Variants in DDX1 observed in about 807,000 individuals in gnomAD.
The protein encoded by DDX1 is ATP-dependent RNA helicase DDX1.
Under a neutral mutation model 108.7 loss-of-function variants are expected in DDX1, and 28 were observed. The observed-to-expected ratio is 0.26, with a 90% CI of 0.19 to 0.35. The LOEUF is 0.35. Ranked by LOEUF, DDX1 falls within the 10% of genes least tolerant of loss-of-function variation. DDX1 has a pLI of 1.00. For missense variants in DDX1, 710 were observed against 884.5 expected (o/e 0.80, Z 2.50); for synonymous variants, 295 against 288.9 (o/e 1.02, Z -0.21).
Position 15,617,354 on chromosome 2 carries a change from T to C in DDX1, c.1116+12T>C. 6.7e-7 allele frequency: 1 copy of C among 1,497,176 alleles called. No individual in the cohort carries two copies. Among genetic ancestry groups the C allele is most frequent in the Non-Finnish European group, 9.1e-7 (1 of 1,095,058 alleles). The allele number at this position is 1,497,176 out of a possible 1,614,324, so 92.7% of individuals were successfully genotyped here. A position where few individuals can be genotyped will look rare whatever the true frequency, so the allele number is the denominator to read the frequency against. ...TCCTGGATGAAGCTGTATGTTGAAA[T>C]ATAATCATACTTTTTAAAAAGTTTA... On this transcript the variant is annotated intron_variant, in intron 15 of 25. Transcript: ENST00000233084.
intron 13 of DDX1, among the ~76,000 whole-genome samples, chr2:15,612,425 C>T (rs1435115937): frequency 3.3e-5 from 5 of 150,980 alleles, no homozygotes; most frequent in African/African-American, 9.8e-5. Flanking sequence ...CGGGAAGAGG[C>T]GCTCCTCACT....
At chr2:15,599,338 G>A (rs1276903578) in intron 5 of DDX1, among the ~76,000 whole-genome samples, 2 of 149,404 alleles carry the variant, frequency 1.3e-5, no homozygotes, top group Non-Finnish European at 3.0e-5. Flanking sequence ...ATGGAGTCTC[G>A]CTCTGTCGCC....
rs748297519 is a variant in DDX1, at chr2:15,596,690, T to C, written c.133-44T>C. ...TATGGTGTTAGTTTGATTTCTTTAA[T>C]AGACAACTTAATCTGTAAAATCAAC... On this transcript the variant is annotated intron_variant, in intron 3 of 25. Coordinates refer to ENST00000233084, the MANE Select transcript of DDX1 (RefSeq NM_004939.3). The C allele has an allele frequency of 3.2e-6, 5 of 1,577,696 alleles. No individual in the cohort carries two copies. In the Admixed American group the frequency reaches 5.1e-5, roughly 16 times the overall value.
At chr2:15,630,732 C>T in intron 25 of DDX1, 44 bp from the exon 26 acceptor site, 1 of 1,578,988 alleles carries the variant, frequency 6.3e-7, no homozygotes, top group Non-Finnish European at 8.7e-7. Flanking sequence ...CAAGTTATTT[C>T]AAGCATGTCA....
At chr2:15,599,847 A>G (rs1368875916) in intron 6 of DDX1, 131 bp downstream of exon 6, 2 of 609,106 alleles carry the variant, frequency 3.3e-6, no homozygotes, top group Admixed American at 6.4e-5. Flanking sequence ...ATCATTAAAC[A>G]GTATAGAACT....
intron 13 of DDX1, among the ~76,000 whole-genome samples, chr2:15,611,766 G>A (rs202127267): frequency 3.2e-5 from 3 of 92,392 alleles, no homozygotes; most frequent in Admixed American, 9.6e-5. Flanking sequence ...CTCCCGGACG[G>A]GGTGGCTGGC....
intron 6 of DDX1, among the ~76,000 whole-genome samples, chr2:15,602,225 A>G (rs1665599407): frequency 1.3e-5 from 2 of 152,220 alleles, no homozygotes; most frequent in Admixed American, 1.3e-4. Context: ...TGCAACTACT[A>G]TTAGTGCAAG....
chr2:15,618,258 A>T lies in DDX1; in HGVS notation c.1194A>T (p.Gly398=). 2 of 1,551,944 alleles carry T rather than the reference A, an allele frequency of 1.3e-6. No homozygotes were observed. Among genetic ancestry groups the T allele is most frequent in the Non-Finnish European group, 1.8e-6 (2 of 1,129,222 alleles). Residue 398 remains glycine (G), a synonymous_variant, in exon 16 of 26, where the codon GGA becomes GGT. Transcript: ENST00000233084. ...HNQIPQVTSD[G]KRLQVIVCSA... Reference sequence around the variant, plus strand: ...AGATTCCTCAGGTTACCTCTGATGGAAAAAGACTTCAGGTATAAAATTTAT... The same window carrying T: ...AGATTCCTCAGGTTACCTCTGATGGTAAAAGACTTCAGGTATAAAATTTAT...
In DDX1 at chr2:15,620,291, C is replaced by T. The variant is rs1053019421; in HGVS notation, c.1290C>T (p.Asp430=). ...EKIMHFPTWV[D]LKGEDSVPDT... ...TAATGCATTTTCCTACATGGGTTGA[C>T]TTAAAAGGAGAAGACTCTGTTCCAG... The change falls in exon 17 of 26, where the codon GAC becomes GAT. Residue 430 remains aspartate (D), a synonymous_variant. Transcript: ENST00000233084. The T allele has an allele frequency of 3.7e-6, 6 of 1,613,906 alleles. No individual in the cohort carries two copies. Among genetic ancestry groups the T allele is most frequent in the Non-Finnish European group, 5.1e-6 (6 of 1,179,832 alleles).
At chr2:15,607,977 C>G (rs1665691692) in intron 13 of DDX1, among the ~76,000 whole-genome samples, 1 of 152,166 alleles carries the variant, frequency 6.6e-6, no homozygotes. Context: ...TTATTCTAGA[C>G]TGCATCACGG....
At chr2:15,604,841 G>T (rs573858463) in intron 10 of DDX1, among the ~76,000 whole-genome samples, 1 of 152,164 alleles carries the variant, frequency 6.6e-6, no homozygotes, top group African/African-American at 2.4e-5. Context: ...GTGCTTTTGT[G>T]TAGGGCAGTC....
chr2:15,622,488 G>T (rs1309155083), intron 18 of DDX1, among the ~76,000 whole-genome samples: 2 of 152,166 alleles, frequency 1.3e-5, no homozygotes, highest in Non-Finnish European at 2.9e-5. Flanking sequence ...AACCCATTAG[G>T]CTGCATGTCT....
Position 15,628,722 on chromosome 2 carries a change from A to AT in DDX1, c.1832+20dup, listed in dbSNP as rs3835049. ...GGAAGAGCTGAAAGGTACTTCTGCA[A>AT]TTTTTTTTCCCCCATTTTTAAGCTT... On this transcript the variant is annotated intron_variant, in intron 22 of 25. Transcript: ENST00000233084. 4.3e-6 allele frequency: 7 copies of AT among 1,611,782 alleles called. No homozygotes were observed. The highest frequency in any genetic ancestry group is 1.7e-5 in the Admixed American group (1 of 59,886).
chr2:15,613,274 T>G lies in DDX1; in HGVS notation c.1007T>G (p.Leu336Trp), dbSNP rs1665832972. ...GCAGCCCGGGATCAGCTCTCTGTTT[T>G]GGAAAATGGAGTAAGTTGTAGTTTT... The part of the protein sequence containing the change: ...GVAARDQLSV[L>W]ENGVDIVVGT... Residue 336 changes from leucine (L) to tryptophan (W), a missense_variant, in exon 14 of 26, where the codon TTG (leucine) becomes TGG (tryptophan). Around this residue, in one of 3 missense-constraint regions of DDX1, gnomAD observed 661 missense variants for 810.2 expected, o/e 0.82. Transcript: ENST00000233084. 1 of 1,605,394 alleles carries G rather than the reference T, an allele frequency of 6.2e-7. No individual in the cohort carries two copies. The highest frequency in any genetic ancestry group is 8.5e-7 in the Non-Finnish European group (1 of 1,176,190).
chr2:15,625,332 G>A (rs1442688501), intron 19 of DDX1, among the ~76,000 whole-genome samples: 1 of 152,132 alleles, frequency 6.6e-6, no homozygotes, highest in Non-Finnish European at 1.5e-5. Context: ...GCTGGGAAAG[G>A]ATATGAGGGT....
At chr2:15,623,641 T>C (rs1666046216) in intron 19 of DDX1, 59 bp downstream of exon 19, 2 of 1,438,202 alleles carry the variant, frequency 1.4e-6, no homozygotes, top group Admixed American at 3.5e-5. Flanking sequence ...AGATTATTAA[T>C]CTCATGTTGA....
At chr2:15,595,337 G>A in intron 2 of DDX1, 141 bp downstream of exon 2, 1 of 937,608 alleles carries the variant, frequency 1.1e-6, no homozygotes, top group East Asian at 2.6e-5. Context: ...ATTATGGAAA[G>A]TTTCCTTTTT....
intron 13 of DDX1, among the ~76,000 whole-genome samples, chr2:15,608,156 C>T (rs1204921788): frequency 1.3e-5 from 2 of 152,172 alleles, no homozygotes; most frequent in Admixed American, 6.5e-5. Flanking sequence ...GTCAATTTGA[C>T]ACTTGATTTT....
rs372409013 is a variant in DDX1, at chr2:15,621,877, C to T, written c.1447+761C>T. ...CCATGTGGGCCAGGCTGGTCTTGAA[C>T]TCCTGACCTCAAATGATCCACCCGC... On this transcript the variant is annotated intron_variant, in intron 18 of 25. Transcript: ENST00000233084. 9.2e-5 allele frequency among the ~76,000 whole-genome samples: 14 copies of T among 152,278 alleles called. No homozygotes were observed. The East Asian group carries it at 1.9e-3, about 21-fold the overall frequency.
Sources: allele counts gnomAD v4.1 joint callset (sites outside exome capture counted in the v4.1 genomes callset), GRCh38; gene constraint gnomAD v4.1.1; regional missense constraint gnomAD v4.1.1; transcripts MANE v1.5; gene names NCBI Gene and HGNC (gene_info 2026-07-23, HGNC 2026-07-21).